The following CSGALNACT1 variants were observed in gnomAD, a reference collection of about 807,000 sequenced individuals.
CSGALNACT1 encodes chondroitin sulfate N-acetylgalactosaminyltransferase 1.
CSGALNACT1 carries 52 observed loss-of-function variants against 51.0 expected under a neutral mutation model. The ratio of observed to expected loss-of-function variants is 1.02; its 90% CI spans 0.82 to 1.29. The LOEUF is 1.29. Ranked by LOEUF, CSGALNACT1 falls within the 50% of genes most tolerant of loss-of-function variation. CSGALNACT1 has a pLI of 0.00. For synonymous variants in CSGALNACT1, 341 were observed against 254.4 expected (o/e 1.34, Z -3.24); for missense variants, 935 against 679.2 (o/e 1.38, Z -4.19).
At chr8:19,568,969 T>C (rs1393630773) in intron 3 of CSGALNACT1, among the ~76,000 whole-genome samples, 1 of 152,206 alleles carries the variant, frequency 6.6e-6, no homozygotes, top group Non-Finnish European at 1.5e-5. Context: ...AATCCATTAT[T>C]AAAATAAAAA....
intron 6 of CSGALNACT1, among the ~76,000 whole-genome samples, chr8:19,435,392 C>G (rs2060228145): frequency 6.6e-6 from 1 of 151,482 alleles, no homozygotes; most frequent in African/African-American, 2.4e-5. Flanking sequence ...ACCTGGGAGG[C>G]TGAGGCAGGA....
chr8:19,612,513 G>T (rs535105479), intron 1 of CSGALNACT1, among the ~76,000 whole-genome samples: 69 of 151,836 alleles, frequency 4.5e-4, no homozygotes, highest in Non-Finnish European at 1.8e-4. Flanking sequence ...ACCCATAAAG[G>T]CCCAAGAAAA....
intron 1 of CSGALNACT1, among the ~76,000 whole-genome samples, chr8:19,749,654 G>A (rs1247788747): frequency 6.6e-6 from 1 of 152,138 alleles, no homozygotes; most frequent in Non-Finnish European, 1.5e-5. Context: ...CTACAGAACT[G>A]CAAGCAGGGC....
intron 8 of CSGALNACT1, among the ~76,000 whole-genome samples, chr8:19,415,021 G>C (rs1241877636): frequency 1.3e-5 from 2 of 152,046 alleles, no homozygotes; most frequent in African/African-American, 2.4e-5. Flanking sequence ...GTTCTCCTTT[G>C]GAATTTTTGT....
intron 4 of CSGALNACT1, among the ~76,000 whole-genome samples, chr8:19,497,496 G>T (rs1021614952): frequency 2.0e-5 from 3 of 152,078 alleles, no homozygotes; most frequent in Admixed American, 2.0e-4. Context: ...ATGAGAACCA[G>T]ACTCAGGTAT....
intron 5 of CSGALNACT1, among the ~76,000 whole-genome samples, chr8:19,448,695 G>A (rs1488464717): frequency 6.6e-6 from 1 of 152,118 alleles, no homozygotes; most frequent in African/African-American, 2.4e-5. Flanking sequence ...CAGAGGCAGG[G>A]CTTTCACAGC....
intron 2 of CSGALNACT1, among the ~76,000 whole-genome samples, chr8:19,593,162 T>C (rs913380619): frequency 6.6e-6 from 1 of 152,218 alleles, no homozygotes; most frequent in South Asian, 2.1e-4. Flanking sequence ...ATGTACGATA[T>C]GTATCAGAAA....
At chr8:19,619,150 A>G (rs1022463125) in intron 1 of CSGALNACT1, among the ~76,000 whole-genome samples, 8 of 150,612 alleles carry the variant, frequency 5.3e-5, no homozygotes, top group African/African-American at 1.9e-4. Flanking sequence ...ATCTAATCAC[A>G]TTAGACTACT....
At chr8:19,513,452 A>G (rs1464181523) in intron 3 of CSGALNACT1, among the ~76,000 whole-genome samples, 6,279 of 141,716 alleles carry the variant, frequency 0.044, 559 homozygotes, top group African/African-American at 0.15. Flanking sequence ...ATATATATAT[A>G]TATATATATA....
intron 5 of CSGALNACT1, among the ~76,000 whole-genome samples, chr8:19,447,627 C>A (rs866450020): frequency 1.3e-5 from 2 of 152,186 alleles, no homozygotes; most frequent in Admixed American, 6.5e-5. Flanking sequence ...ATGTGACAAC[C>A]AAACAGATCT....
At chr8:19,625,662 G>C (rs1322735898) in intron 1 of CSGALNACT1, among the ~76,000 whole-genome samples, 1 of 152,156 alleles carries the variant, frequency 6.6e-6, no homozygotes, top group Non-Finnish European at 1.5e-5. Flanking sequence ...TGCTGTCTCT[G>C]CAACACAACA....
At chr8:19,459,382 CAAAA>C (rs377411028) in intron 4 of CSGALNACT1, among the ~76,000 whole-genome samples, 1,143 of 69,116 alleles carry the variant, frequency 0.017, 17 homozygotes, top group African/African-American at 0.063. Flanking sequence ...AACTTTATCT[CAAAA>C]AAAAAAAAAA....
chr8:19,408,449 C>G (rs973705445), intron 9 of CSGALNACT1, among the ~76,000 whole-genome samples, 164 bp downstream of exon 8: 1 of 149,636 alleles, frequency 6.7e-6, no homozygotes, highest in Non-Finnish European at 1.5e-5. Flanking sequence ...TGTGAGCCAC[C>G]GCACCTAGTC....
At chr8:19,457,815 G>T (rs376999353) in intron 5 of CSGALNACT1, 28 of 1,350,970 alleles carry the variant, frequency 2.1e-5, no homozygotes, top group Non-Finnish European at 2.7e-5. Context: ...TCATCAGCAG[G>T]CCTGAAAAAT....
intron 4 of CSGALNACT1, among the ~76,000 whole-genome samples, chr8:19,470,812 T>A (rs561848444): frequency 8.5e-4 from 129 of 152,078 alleles, no homozygotes; most frequent in Non-Finnish European, 1.4e-3. Context: ...GAGACAAAAA[T>A]GCGCTGGACG....
intron 4 of CSGALNACT1, among the ~76,000 whole-genome samples, chr8:19,468,675 G>T (rs1234050663): frequency 6.6e-6 from 1 of 152,106 alleles, no homozygotes; most frequent in Non-Finnish European, 1.5e-5. Flanking sequence ...AAATGTCATG[G>T]CAGGTGAGGG....
chr8:19,564,692 C>G (rs1461963090), intron 3 of CSGALNACT1, among the ~76,000 whole-genome samples: 2 of 152,202 alleles, frequency 1.3e-5, no homozygotes, highest in African/African-American at 2.4e-5. Flanking sequence ...CTTCAAGAGG[C>G]CTTCTTGGAT....
chr8:19,566,721 G>A (rs1002664048), intron 3 of CSGALNACT1, among the ~76,000 whole-genome samples: 7 of 152,092 alleles, frequency 4.6e-5, no homozygotes, highest in African/African-American at 1.7e-4. Context: ...TCTCTGTAAG[G>A]GAGTTCCCCA....
intron 5 of CSGALNACT1, chr8:19,457,744 T>A: frequency 2.2e-6 from 3 of 1,349,652 alleles, no homozygotes; most frequent in Non-Finnish European, 2.9e-6. Context: ...ATCTGAGCCA[T>A]CACAGCTTCT....
Sources: gnomAD v4.1 joint callset for allele counts (sites outside exome capture counted in the v4.1 genomes callset) on GRCh38, gnomAD v4.1.1 for gene constraint, MANE v1.5 for transcripts, NCBI Gene and HGNC (gene_info 2026-07-23, HGNC 2026-07-21) for gene names.